CRLS1: variants seen among roughly 807,000 people sequenced by gnomAD.
CRLS1 encodes cardiolipin synthase 1, also known as cardiolipin synthase (CMP-forming).
CRLS1 carries 24 observed loss-of-function variants against 37.0 expected under a neutral mutation model. That is an observed-to-expected ratio of 0.65 (90% confidence interval 0.47 to 0.91). CRLS1 has a LOEUF of 0.91. Ranked by LOEUF, CRLS1 falls within the 40% of genes least tolerant of loss-of-function variation. The probability of loss-of-function intolerance (pLI) is 0.00; values close to 1 mark genes in which losing one functional copy is unlikely to be tolerated. For synonymous variants in CRLS1, 135 were observed against 159.7 expected, an observed-to-expected ratio of 0.85 and a Z score of 1.17; for missense variants, 373 against 395.8, an observed-to-expected ratio of 0.94 and a Z score of 0.49.
intron 5 of CRLS1, among the ~76,000 whole-genome samples, chr20:6,034,118 G>C (rs1600392042): frequency 6.6e-6 from 1 of 152,276 alleles, no homozygotes; most frequent in East Asian, 1.9e-4. Context: ...AGGTAGCTTA[G>C]TTATTTTCGT....
chr20:6,033,672 T>C (rs751627432), intron 5 of CRLS1, among the ~76,000 whole-genome samples: 6 of 151,582 alleles, frequency 4.0e-5, no homozygotes, highest in Non-Finnish European at 8.8e-5. Context: ...AGAGGTTCTT[T>C]TATGGAGATG....
chr20:6,030,564 A>G (rs1980086981), intron 3 of CRLS1, among the ~76,000 whole-genome samples: 1 of 152,092 alleles, frequency 6.6e-6, no homozygotes, highest in South Asian at 2.1e-4. Context: ...CTCTACAAAA[A>G]TACAAAAATT....
rs753805913 is a variant in CRLS1 at position 6,037,129 on chromosome 20, C to T, written c.877C>T (p.Arg293Trp). Residue 293 changes from arginine to tryptophan, a missense_variant, in exon 7 of 7, where the codon CGG (arginine) becomes TGG (tryptophan). By Grantham distance (101) the Arg-to-Trp change is moderately radical (BLOSUM62 -3). Coordinates refer to ENST00000378863, the MANE Select transcript of CRLS1 (RefSeq NM_019095.6). ...ASAYSYYHYG[R>W]KTVQVIKD ...AGCTTATAGTTACTATCATTATGGC[C>T]GGAAGACTGTTCAGGTGATAAAAGA... 36 of 1,613,250 alleles carry T rather than the reference C, an allele frequency of 2.2e-5. No individual in the cohort carries two copies. The highest frequency in any genetic ancestry group is 2.4e-5 in the Non-Finnish European group (28 of 1,179,638).
rs751023267 is a variant in CRLS1, at chr20:6,031,276, G to C, written c.575-9G>C. On this transcript the variant is annotated splice_polypyrimidine_tract_variant and intron_variant, in intron 3 of 6. Transcript: ENST00000378863. ...TCCCAGTTAAAATTATTTTATGTTT[G>C]ATTTTCAGTTCCACTTACTTACATG... 1.3e-6 allele frequency: 2 copies of C among 1,584,408 alleles called. No individual in the cohort carries two copies. The highest frequency in any genetic ancestry group is 2.3e-5 in the South Asian group (2 of 87,864).
At chr20:6,009,715 A>G (rs931914236) in intron 1 of CRLS1, 60 bp from the exon 2 acceptor site, 1 of 1,413,444 alleles carries the variant, frequency 7.1e-7, no homozygotes, top group South Asian at 1.3e-5. Flanking sequence ...GTATGTATAT[A>G]GTTATTCAAA....
At chr20:6,007,795 C>G (rs991295890) in intron 1 of CRLS1, among the ~76,000 whole-genome samples, 3 of 152,114 alleles carry the variant, frequency 2.0e-5, no homozygotes, top group Non-Finnish European at 4.4e-5. Context: ...ACAGACTTAT[C>G]TTTTTTCTTT....
chr20:6,006,577 G>T, intron 1 of CRLS1, 25 bp downstream of exon 1: 1 of 1,257,312 alleles, frequency 8.0e-7, no homozygotes, highest in Non-Finnish European at 1.0e-6. Flanking sequence ...GGCGGCGGCG[G>T]GCCGGCCCTG....
At chr20:6,036,881 A>G (rs911029358) in intron 6 of CRLS1, among the ~76,000 whole-genome samples, 193 bp from the exon 7 acceptor site, 1 of 152,230 alleles carries the variant, frequency 6.6e-6, no homozygotes, top group African/African-American at 2.4e-5. Flanking sequence ...TGACGTTACT[A>G]ATTAAAATGA....
intron 1 of CRLS1, among the ~76,000 whole-genome samples, chr20:6,007,977 G>A (rs2090081257): frequency 6.6e-6 from 1 of 152,154 alleles, no homozygotes; most frequent in Admixed American, 6.5e-5. Context: ...AGCTTTCAAT[G>A]ACAGTATTCT....
chr20:6,034,540 A>G lies in CRLS1; in HGVS notation c.806A>G (p.Tyr269Cys). The stretch of plus-strand genomic sequence containing the variant: ...GTTTTCAACTATGCTGACAGCATTT[A>G]TCTTCAGATACTATGGTAAGCTAAA... ...APVFNYADSI[Y>C]LQILWCFTAF... Residue 269 changes from tyrosine (Y) to cysteine (C), a missense_variant, in exon 6 of 7, where the codon TAT (tyrosine) becomes TGT (cysteine). By Grantham distance (194) the Tyr-to-Cys change is radical. Coordinates refer to ENST00000378863, the MANE Select transcript of CRLS1 (RefSeq NM_019095.6). 6.2e-7 allele frequency: 1 copy of G among 1,610,720 alleles called. No individual in the cohort carries two copies. The highest frequency in any genetic ancestry group is 8.5e-7 in the Non-Finnish European group (1 of 1,177,960).
intron 3 of CRLS1, among the ~76,000 whole-genome samples, chr20:6,023,768 A>G (rs918868403): frequency 2.0e-5 from 3 of 151,538 alleles, no homozygotes; most frequent in Admixed American, 1.3e-4. Context: ...AAAAGTTCTT[A>G]TATCGTGTAT....
Position 6,031,351 on chromosome 20 carries a change from A to C in CRLS1, c.641A>C (p.Tyr214Ser). 1 of 1,609,088 alleles carries C rather than the reference A, an allele frequency of 6.2e-7. No individual in the cohort carries two copies. Among genetic ancestry groups the C allele is most frequent in the Non-Finnish European group, 8.5e-7 (1 of 1,177,338 alleles). ...MLIAAVFYVR[Y>S]RTLPTPRTLA... ...ATTGCTGCTGTTTTTTATGTCAGAT[A>C]CCGAACTCTTCCAACACCAGTGAGT... Residue 214 changes from tyrosine to serine, a missense_variant, in exon 4 of 7, where the codon TAC becomes TCC. Physicochemically the swap from Tyr to Ser is moderately radical, Grantham distance 144. Coordinates refer to ENST00000378863, the MANE Select transcript of CRLS1 (RefSeq NM_019095.6).
At chr20:6,011,595 T>C (rs1335012994) in intron 2 of CRLS1, among the ~76,000 whole-genome samples, 1 of 114,126 alleles carries the variant, frequency 8.8e-6, no homozygotes, top group East Asian at 2.5e-4. Flanking sequence ...TTTTTTTTTT[T>C]TTTTTTTTTT....
At chr20:6,021,650 C>A (rs1429964667) in intron 3 of CRLS1, among the ~76,000 whole-genome samples, 1 of 151,808 alleles carries the variant, frequency 6.6e-6, no homozygotes, top group Non-Finnish European at 1.5e-5. Flanking sequence ...TTAAATAAAA[C>A]CCATTTTGTC....
intron 2 of CRLS1, among the ~76,000 whole-genome samples, chr20:6,010,687 CCAT>C (rs1414312035): frequency 1.3e-5 from 2 of 152,150 alleles, no homozygotes; most frequent in African/African-American, 4.8e-5. Flanking sequence ...GACTGGCTAG[CCAT>C]CATCATGTAT....
In CRLS1 at chr20:6,009,929, C is replaced by G. The variant is rs1485627759; in HGVS notation, c.444+17C>G. On this transcript the variant is annotated intron_variant, in intron 2 of 6. Coordinates refer to ENST00000378863, the MANE Select transcript of CRLS1 (RefSeq NM_019095.6). ...ACAGATTTGGTAAGTTGTAAATGCA[C>G]TCCCAGTTTGCTCTCCTTCCAAATC... 1.2e-6 allele frequency: 2 copies of G among 1,610,332 alleles called. No individual in the cohort carries two copies. The highest frequency in any genetic ancestry group is 1.7e-6 in the Non-Finnish European group (2 of 1,177,654).
At chr20:6,021,586 A>G (rs111857633) in intron 3 of CRLS1, among the ~76,000 whole-genome samples, 35 of 152,186 alleles carry the variant, frequency 2.3e-4, no homozygotes, top group African/African-American at 8.0e-4. Context: ...GCATCTTTTT[A>G]GATATCACTT....
chr20:6,029,380 T>A (rs1335151988), intron 3 of CRLS1, among the ~76,000 whole-genome samples: 5 of 116,074 alleles, frequency 4.3e-5, no homozygotes, highest in South Asian at 2.9e-4. Flanking sequence ...TTTTTTTTTT[T>A]AAAGACAGAG....
chr20:6,007,932 G>T (rs2090080714), intron 1 of CRLS1, among the ~76,000 whole-genome samples: 1 of 152,120 alleles, frequency 6.6e-6, no homozygotes, highest in African/African-American at 2.4e-5. Context: ...TTCTTGTTTT[G>T]TGATTGCTCT....
Sources: gnomAD v4.1 joint callset for allele counts (sites outside exome capture counted in the v4.1 genomes callset) on GRCh38, gnomAD v4.1.1 for gene constraint, MANE v1.5 for transcripts, NCBI Gene and HGNC (gene_info 2026-07-23, HGNC 2026-07-21) for gene names.